Variants in IGF1R observed in about 807,000 individuals in gnomAD.
IGF1R encodes the protein insulin-like growth factor 1 receptor.
IGF1R carries 44 observed loss-of-function variants against 144.6 expected under a neutral mutation model. That is an observed-to-expected ratio of 0.30 (90% CI 0.24 to 0.39). The LOEUF is 0.39. IGF1R is among the 10% of genes least tolerant of loss of function. The pLI, the probability that IGF1R is intolerant of heterozygous loss-of-function variation, is 1.00. For synonymous variants in IGF1R, 795 were observed against 722.8 expected, an observed-to-expected ratio of 1.10 and a Z score of -1.60; for missense variants, 1,355 against 1,833.7, an observed-to-expected ratio of 0.74 and a Z score of 4.77.
chr15:98,808,310 C>T (rs775309777), intron 2 of IGF1R, among the ~76,000 whole-genome samples: 39 of 152,124 alleles, frequency 2.6e-4, no homozygotes, highest in Non-Finnish European at 5.0e-4. Context: ...GAAAGAGTTC[C>T]GTATTATTTG....
chr15:98,767,719 C>T (rs936661938), intron 2 of IGF1R, among the ~76,000 whole-genome samples: 4 of 152,084 alleles, frequency 2.6e-5, no homozygotes, highest in Non-Finnish European at 4.4e-5. Context: ...ATAGAGCGCA[C>T]GAACAAAAAA....
At chr15:98,661,867 CATG>C (rs1383130210) in intron 1 of IGF1R, among the ~76,000 whole-genome samples, 2 of 151,906 alleles carry the variant, frequency 1.3e-5, no homozygotes, top group Non-Finnish European at 2.9e-5. Flanking sequence ...TTCTCCTCCT[CATG>C]GTGGGTGGCC....
intron 2 of IGF1R, among the ~76,000 whole-genome samples, chr15:98,793,029 A>G (rs2056161673): frequency 6.6e-6 from 1 of 152,140 alleles, no homozygotes; most frequent in Admixed American, 6.5e-5. Flanking sequence ...CTCTGCTGAT[A>G]CAAAGACTGG....
chr15:98,650,303 T>A (rs2052324811), intron 1 of IGF1R, among the ~76,000 whole-genome samples: 1 of 152,176 alleles, frequency 6.6e-6, no homozygotes, highest in Non-Finnish European at 1.5e-5. Flanking sequence ...CTCCTCGGGT[T>A]CCTGGCCTTG....
At chr15:98,895,704 C>G (rs1412406587) in intron 3 of IGF1R, among the ~76,000 whole-genome samples, 3 of 152,078 alleles carry the variant, frequency 2.0e-5, no homozygotes, top group Non-Finnish European at 4.4e-5. Flanking sequence ...GTCTTAGATA[C>G]AAAATAACCT....
chr15:98,780,570 AAAAAAGAG>A lies in IGF1R; in HGVS notation c.640+72465_640+72472del, dbSNP rs1354831243. Among the ~76,000 whole-genome samples the A allele has an allele frequency of 9.7e-4, 31 of 32,120 alleles. 3 individuals carry two copies. In the East Asian group the frequency reaches 0.016, roughly 17 times the overall value. 21.1% of individuals were successfully genotyped at this position (32,120 alleles called of 152,430 possible). A position where few individuals can be genotyped will look rare whatever the true frequency, so the allele number is the denominator to read the frequency against. The stretch of plus-strand genomic sequence containing the variant: ...GTCTCAAAAAAAAAAAAAAAAAAAA[AAAAAAGAG>A]AGAGAGAGTAAATAAAATTGTAAGG... On this transcript the variant is annotated intron_variant, in intron 2 of 20. Coordinates refer to ENST00000650285, the MANE Select transcript of IGF1R (RefSeq NM_000875.5).
chr15:98,903,966 A>G (rs548574714), intron 5 of IGF1R, among the ~76,000 whole-genome samples: 2 of 152,220 alleles, frequency 1.3e-5, no homozygotes, highest in Admixed American at 6.5e-5. Context: ...GAACTCTTGG[A>G]TGATGGAAGT....
chr15:98,893,918 T>G (rs1211271528), intron 3 of IGF1R, among the ~76,000 whole-genome samples: 2 of 152,244 alleles, frequency 1.3e-5, no homozygotes, highest in Non-Finnish European at 2.9e-5. Flanking sequence ...TTTGAAATAT[T>G]TAATTTTTTC....
At chr15:98,926,486 A>G (rs1428743919) in intron 13 of IGF1R, among the ~76,000 whole-genome samples, 1 of 152,252 alleles carries the variant, frequency 6.6e-6, no homozygotes, top group East Asian at 1.9e-4. Flanking sequence ...ATGTGATGTA[A>G]TACATATGTT....
At chr15:98,918,056 A>AT (rs79016083) in intron 10 of IGF1R, among the ~76,000 whole-genome samples, 2 of 151,758 alleles carry the variant, frequency 1.3e-5, no homozygotes, top group African/African-American at 4.8e-5. Context: ...ATGTTAAACA[A>AT]TTTTTTTTTC....
chr15:98,916,361 A>G, intron 9 of IGF1R: 1 of 562,238 alleles, frequency 1.8e-6, no homozygotes, highest in Non-Finnish European at 3.1e-6. Flanking sequence ...TCCCAGGTTC[A>G]AGCATTTCTC....
At chr15:98,916,989 T>C in intron 10 of IGF1R, 113 bp downstream of exon 10, 1 of 887,688 alleles carries the variant, frequency 1.1e-6, no homozygotes, top group East Asian at 2.5e-5. Context: ...TACAATACAG[T>C]AGCCACTGAG....
intron 1 of IGF1R, among the ~76,000 whole-genome samples, chr15:98,651,458 T>G (rs1374478053): frequency 2.0e-5 from 3 of 152,204 alleles, no homozygotes; most frequent in Non-Finnish European, 4.4e-5. Context: ...AAAGGAGGGT[T>G]TTTATCTTTA....
intron 2 of IGF1R, among the ~76,000 whole-genome samples, chr15:98,829,671 T>C (rs1267437447): frequency 6.6e-6 from 1 of 152,254 alleles, no homozygotes; most frequent in Non-Finnish European, 1.5e-5. Flanking sequence ...GGGCTCCTGC[T>C]GTTTGGGGAC....
chr15:98,650,736 G>A (rs2052340791), intron 1 of IGF1R: 1 of 244,766 alleles, frequency 4.1e-6, no homozygotes, highest in Non-Finnish European at 6.6e-6. Context: ...CGAGCGCGGA[G>A]CCCTGGCCTT....
chr15:98,651,307 C>T (rs1316777118), intron 1 of IGF1R, among the ~76,000 whole-genome samples: 2 of 152,272 alleles, frequency 1.3e-5, no homozygotes, highest in Non-Finnish European at 2.9e-5. Flanking sequence ...TGTTTACTGC[C>T]GAGTGGGACG....
chr15:98,815,337 T>G (rs933436069), intron 2 of IGF1R, among the ~76,000 whole-genome samples: 3 of 152,204 alleles, frequency 2.0e-5, no homozygotes, highest in Non-Finnish European at 4.4e-5. Flanking sequence ...AACAACCTCT[T>G]CCTGTTGCTC....
intron 1 of IGF1R, among the ~76,000 whole-genome samples, chr15:98,649,925 C>G (rs937676988): frequency 2.0e-5 from 3 of 152,184 alleles, no homozygotes; most frequent in African/African-American, 7.2e-5. Context: ...TTCTCTTTCT[C>G]CGTCCTGACA....
At position 98,891,295 on chromosome 15, in the gene IGF1R, C is replaced by G. The variant is rs1018379688; in HGVS notation, c.641-30C>G. On this transcript the variant is annotated intron_variant, in intron 2 of 20. Coordinates refer to ENST00000650285, the MANE Select transcript of IGF1R (RefSeq NM_000875.5). This position sits in a 1 kb window ranked among gnomAD's most constrained non-coding sequence, Gnocchi z 4.7. ...GAAGGCGGTGCCTCCCCTGCCCGGTCTCATCTCCGTCTCTCCTCTCTCTCC... is the reference window on the plus strand; with the variant it reads ...GAAGGCGGTGCCTCCCCTGCCCGGTGTCATCTCCGTCTCTCCTCTCTCTCC... 6.2e-7 allele frequency: 1 copy of G among 1,600,294 alleles called. No homozygotes were observed. The highest frequency in any genetic ancestry group is 1.3e-5 in the African/African-American group (1 of 74,950).
Sources: gnomAD v4.1 joint callset for allele counts (sites outside exome capture counted in the v4.1 genomes callset) on GRCh38, gnomAD v4.1.1 for gene constraint, Gnocchi (gnomAD v3.1) non-coding constraint, MANE v1.5 for transcripts, NCBI Gene and HGNC (gene_info 2026-07-23, HGNC 2026-07-21) for gene names.